GFRA1: variants seen among roughly 807,000 people sequenced by gnomAD.
GFRA1 encodes GDNF family receptor alpha-1.
A neutral mutation model predicts 51.6 loss-of-function variants in GFRA1; 16 were observed. That is an observed-to-expected ratio of 0.31 (90% confidence interval 0.21 to 0.47). GFRA1 has a LOEUF of 0.47. Among genes scored for constraint, GFRA1 ranks in the 20% least tolerant of loss-of-function variants. The pLI is 1.00. For synonymous variants in GFRA1, 270 were observed against 241.3 expected, an observed-to-expected ratio of 1.12 and a Z score of -1.10; for missense variants, 530 against 594.3, an observed-to-expected ratio of 0.89 and a Z score of 1.13.
intron 5 of GFRA1, among the ~76,000 whole-genome samples, chr10:116,154,602 T>C (rs931056065): frequency 3.3e-5 from 5 of 152,338 alleles, no homozygotes; most frequent in Admixed American, 3.3e-4. Flanking sequence ...ATCCTGGTCA[T>C]GCTTTATTTC....
At chr10:116,224,854 T>A (rs374266489) in intron 4 of GFRA1, among the ~76,000 whole-genome samples, 10 of 152,306 alleles carry the variant, frequency 6.6e-5, no homozygotes, top group African/African-American at 2.4e-4. Flanking sequence ...GGGTTGTGAA[T>A]ACATTTCAAA....
At chr10:116,151,834 G>A (rs1008275767) in intron 5 of GFRA1, among the ~76,000 whole-genome samples, 3 of 152,180 alleles carry the variant, frequency 2.0e-5, no homozygotes, top group African/African-American at 7.2e-5. Context: ...GAAGAGAGAA[G>A]CCAGGCAAAC....
chr10:116,236,351 G>A (rs917249355), intron 4 of GFRA1, among the ~76,000 whole-genome samples: 2 of 152,132 alleles, frequency 1.3e-5, no homozygotes, highest in African/African-American at 4.8e-5. Flanking sequence ...AAAGGTGCCT[G>A]AGGTGGAAAA....
chr10:116,087,414 T>C (rs1380768499), intron 9 of GFRA1, among the ~76,000 whole-genome samples: 3 of 152,204 alleles, frequency 2.0e-5, no homozygotes, highest in Non-Finnish European at 4.4e-5. Context: ...TCCAAAAATG[T>C]TGACAAGTTG....
intron 5 of GFRA1, among the ~76,000 whole-genome samples, chr10:116,209,832 G>A (rs1187779933): frequency 6.6e-6 from 1 of 151,982 alleles, no homozygotes; most frequent in Non-Finnish European, 1.5e-5. Flanking sequence ...ACCAGCGGGC[G>A]AGTTCTTTGC....
At chr10:116,072,242 G>C (rs1955432567) in intron 9 of GFRA1, among the ~76,000 whole-genome samples, 1 of 152,262 alleles carries the variant, frequency 6.6e-6, no homozygotes, top group African/African-American at 2.4e-5. Context: ...TGACTGTTAA[G>C]CCTGCATCCC....
At chr10:116,236,085 T>G (rs1966868599) in intron 4 of GFRA1, among the ~76,000 whole-genome samples, 2 of 152,064 alleles carry the variant, frequency 1.3e-5, no homozygotes, top group Admixed American at 1.3e-4. Context: ...ACAACAAAGG[T>G]GCCACCTCTG....
At chr10:116,192,086 T>C (rs534834011) in intron 5 of GFRA1, among the ~76,000 whole-genome samples, 11 of 152,290 alleles carry the variant, frequency 7.2e-5, no homozygotes, top group African/African-American at 2.4e-4. Context: ...ATAGTCCAAA[T>C]GAATCATTTC....
intron 7 of GFRA1, among the ~76,000 whole-genome samples, 157 bp from the exon 8 acceptor site, chr10:116,093,993 G>C (rs138616558): frequency 6.6e-6 from 1 of 152,044 alleles, no homozygotes; most frequent in Non-Finnish European, 1.5e-5. Context: ...GCATTTTCTC[G>C]GCAATTTATC....
At chr10:116,095,676 G>A (rs77276579) in intron 7 of GFRA1, among the ~76,000 whole-genome samples, 4,283 of 152,204 alleles carry the variant, frequency 0.028, 149 homozygotes, top group African/African-American at 0.081. Context: ...TACCATTATT[G>A]ATTTTCCCAA....
intron 4 of GFRA1, among the ~76,000 whole-genome samples, chr10:116,242,140 C>G (rs1442069812): frequency 6.4e-5 from 2 of 31,430 alleles, no homozygotes; most frequent in Non-Finnish European, 3.2e-4. Flanking sequence ...ACTCAGATAA[C>G]TGCTTCATCT....
intron 4 of GFRA1, among the ~76,000 whole-genome samples, chr10:116,234,659 G>A (rs1464801629): frequency 2.0e-5 from 3 of 152,176 alleles, no homozygotes; most frequent in African/African-American, 7.2e-5. Flanking sequence ...TACAAAAAAT[G>A]TACCACTCAG....
chr10:116,196,818 T>TA (rs1963915586), intron 5 of GFRA1, among the ~76,000 whole-genome samples: 4 of 128,062 alleles, frequency 3.1e-5, no homozygotes, highest in South Asian at 4.6e-4. Context: ...TATATAAATA[T>TA]AAAAATACTT....
Position 116,195,480 on chromosome 10 carries a change from C to T in GFRA1, c.433+16151G>A, listed in dbSNP as rs189232616. 3.8e-3 allele frequency among the ~76,000 whole-genome samples: 586 copies of T among 152,338 alleles called. 8 individuals are homozygous for T. Among genetic ancestry groups the T allele is most frequent in the Admixed American group, 0.034 (527 of 15,304 alleles). On this transcript the variant is annotated intron_variant, in intron 5 of 10. Transcript: ENST00000355422. Reference sequence around the variant, plus strand: ...TTCCACCTCAGATAATCAGACAATTCTCATAAGGAGTGTGCAACCTAGATT... The same window carrying T: ...TTCCACCTCAGATAATCAGACAATTTTCATAAGGAGTGTGCAACCTAGATT...
chr10:116,207,037 A>T (rs1183580538), intron 5 of GFRA1, among the ~76,000 whole-genome samples: 1 of 152,190 alleles, frequency 6.6e-6, no homozygotes, highest in Non-Finnish European at 1.5e-5. Context: ...ATATTACTGT[A>T]CTTTATTAAC....
chr10:116,110,395 A>G (rs1957162184), intron 6 of GFRA1, among the ~76,000 whole-genome samples: 1 of 152,150 alleles, frequency 6.6e-6, no homozygotes, highest in Admixed American at 6.5e-5. Flanking sequence ...CCTGCAGGGC[A>G]GCTGGGGTTT....
intron 5 of GFRA1, among the ~76,000 whole-genome samples, chr10:116,172,881 G>T (rs1011223853): frequency 3.3e-5 from 5 of 152,290 alleles, no homozygotes; most frequent in African/African-American, 1.2e-4. Context: ...TCATGGGGAG[G>T]TAGGTCTAAG....
intron 4 of GFRA1, among the ~76,000 whole-genome samples, chr10:116,235,819 G>A (rs534599552): frequency 6.6e-6 from 1 of 152,248 alleles, no homozygotes; most frequent in East Asian, 1.9e-4. Context: ...GAGTCCACAT[G>A]AAGAAGAGGT....
rs1306794608 is a variant in GFRA1, at chr10:116,063,016, A to T, written c.*1382T>A. 3.3e-5 allele frequency: 5 copies of T among 152,188 alleles called. No homozygotes were observed. The highest frequency in any genetic ancestry group is 1.2e-4 in the African/African-American group (5 of 41,420). 9.4% of individuals were successfully genotyped at this position (152,188 alleles called of 1,614,324 possible). ...ACAAGATGCAAGCAGATCCTTAATG[A>T]CCTTCAGACCAAACTGCTCCAAACA... On this transcript the variant is annotated 3_prime_UTR_variant, in exon 11 of 11. Transcript: ENST00000355422.
Sources: gnomAD v4.1 joint callset for allele counts (sites outside exome capture counted in the v4.1 genomes callset) on GRCh38, gnomAD v4.1.1 for gene constraint, MANE v1.5 for transcripts, NCBI Gene and HGNC (gene_info 2026-07-23, HGNC 2026-07-21) for gene names.